Variants in CRIM1 observed in about 807,000 individuals in gnomAD.
The protein encoded by CRIM1 is cysteine rich transmembrane BMP regulator 1.
A neutral mutation model predicts 116.4 loss-of-function variants in CRIM1; 32 were observed. That is an observed-to-expected ratio of 0.27 (90% CI 0.21 to 0.37). CRIM1 has a LOEUF of 0.37. Among genes scored for constraint, CRIM1 ranks in the 10% least tolerant of loss-of-function variants. The probability of loss-of-function intolerance (pLI) is 1.00; values close to 1 mark genes in which losing one functional copy is unlikely to be tolerated. For missense variants in CRIM1, 1,331 were observed against 1,354.8 expected (o/e 0.98, Z 0.28); for synonymous variants, 590 against 509.2 (o/e 1.16, Z -2.13).
In CRIM1 at chr2:36,550,744, A is replaced by G. The variant is rs1000676299; in HGVS notation, c.*2043A>G. 6.6e-6 allele frequency: 1 copy of G among 152,588 alleles called. No homozygotes were observed. The highest frequency in any genetic ancestry group is 2.4e-5 in the African/African-American group (1 of 41,458). The allele number at this position is 152,588 out of a possible 1,614,324, so 9.5% of individuals were successfully genotyped here. A position where few individuals can be genotyped will look rare whatever the true frequency, so the allele number is the denominator to read the frequency against. ...TGATACATTACAAAAATAGATTGAC[A>G]TCAGCCTGATTAGTATAAATTTTGT... On this transcript the variant is annotated 3_prime_UTR_variant, in exon 17 of 17. Coordinates refer to ENST00000280527, the MANE Select transcript of CRIM1 (RefSeq NM_016441.3).
chr2:36,542,701 A>G (rs753771250), intron 14 of CRIM1, among the ~76,000 whole-genome samples: 15 of 152,224 alleles, frequency 9.9e-5, no homozygotes, highest in Non-Finnish European at 2.1e-4. Flanking sequence ...TGGACTAGGC[A>G]GGGGAGGGGC....
chr2:36,541,191 T>G (rs560921471), intron 14 of CRIM1, among the ~76,000 whole-genome samples: 1 of 152,248 alleles, frequency 6.6e-6, no homozygotes, highest in East Asian at 1.9e-4. Context: ...CGCTTCCATT[T>G]CTCATCTGGA....
At chr2:36,444,905 C>G (rs940175076) in intron 4 of CRIM1, among the ~76,000 whole-genome samples, 2 of 152,140 alleles carry the variant, frequency 1.3e-5, no homozygotes, top group African/African-American at 4.8e-5. Flanking sequence ...ACTCTTCGGC[C>G]CCTGAAGATG....
At chr2:36,404,678 A>T (rs569550330) in intron 2 of CRIM1, among the ~76,000 whole-genome samples, 1 of 152,206 alleles carries the variant, frequency 6.6e-6, no homozygotes. Context: ...TCAATATACT[A>T]TGGGAGCTTG....
chr2:36,392,841 GAAAAT>G (rs1212646586), intron 1 of CRIM1, among the ~76,000 whole-genome samples: 1 of 152,016 alleles, frequency 6.6e-6, no homozygotes, highest in Non-Finnish European at 1.5e-5. Flanking sequence ...TCAAAAAAAA[GAAAAT>G]AAAAGTGTCT....
intron 2 of CRIM1, among the ~76,000 whole-genome samples, chr2:36,399,551 A>C (rs1317103405): frequency 6.6e-6 from 1 of 152,240 alleles, no homozygotes; most frequent in African/African-American, 2.4e-5. Context: ...TAGTGCAAGT[A>C]ATAGAAGTAG....
intron 1 of CRIM1, among the ~76,000 whole-genome samples, chr2:36,358,543 G>C (rs1669007767): frequency 6.6e-6 from 1 of 152,198 alleles, no homozygotes. Context: ...CCATGTCACA[G>C]TATAGAGTTA....
intron 7 of CRIM1, among the ~76,000 whole-genome samples, chr2:36,497,433 G>A (rs919479950): frequency 1.3e-5 from 2 of 152,174 alleles, no homozygotes; most frequent in Non-Finnish European, 2.9e-5. Flanking sequence ...ATTTGGGGTA[G>A]CTAAGAAAAG....
chr2:36,510,193 T>C, intron 9 of CRIM1, 54 bp downstream of exon 9: 1 of 1,526,386 alleles, frequency 6.6e-7, no homozygotes, highest in Non-Finnish European at 9.0e-7. Context: ...TGGTGAAATG[T>C]TTCTACACAT....
chr2:36,440,816 T>A (rs916164936), intron 2 of CRIM1, among the ~76,000 whole-genome samples: 7 of 152,218 alleles, frequency 4.6e-5, no homozygotes, highest in Admixed American at 1.3e-4. Context: ...GTCGTACACA[T>A]TGTCTCCAGT....
intron 9 of CRIM1, among the ~76,000 whole-genome samples, chr2:36,511,133 G>T (rs1664645495): frequency 6.6e-6 from 1 of 151,592 alleles, no homozygotes. Context: ...GGAGAGATGG[G>T]GTTTCACCAT....
At chr2:36,526,707 G>A (rs535466507) in intron 13 of CRIM1, among the ~76,000 whole-genome samples, 3 of 152,250 alleles carry the variant, frequency 2.0e-5, no homozygotes, top group Admixed American at 1.3e-4. Context: ...GCTTCTGGAG[G>A]GGGGACCGTG....
rs538176011 is a variant in CRIM1, at chr2:36,501,398, T to C, written c.1501+2051T>C. ...CATGTGACCATCACACTATCTACAG[T>C]GGCGTTAGTGCTAAAACTGAGTTTA... On this transcript the variant is annotated intron_variant, in intron 8 of 16. Coordinates refer to ENST00000280527, the MANE Select transcript of CRIM1 (RefSeq NM_016441.3). Among the ~76,000 whole-genome samples, 6 of 152,334 alleles carry C rather than the reference T, an allele frequency of 3.9e-5. No individual in the cohort carries two copies. In the East Asian group the frequency reaches 1.2e-3, roughly 29 times the overall value.
At chr2:36,533,455 A>T (rs1004105583) in intron 13 of CRIM1, among the ~76,000 whole-genome samples, 1 of 151,304 alleles carries the variant, frequency 6.6e-6, no homozygotes, top group Admixed American at 6.6e-5. Context: ...CCTAAAAATT[A>T]TCCAGGCATA....
Position 36,363,535 on chromosome 2 carries a change from C to CG in CRIM1, c.331+6912_331+6913insG, listed in dbSNP as rs1006672791. ...GAATTCAGCAGTCGTCGCCGCCCCC[C>CG]CCCCCCATGACTATCTTTTTATACC... On this transcript the variant is annotated intron_variant, in intron 1 of 16. Coordinates refer to ENST00000280527, the MANE Select transcript of CRIM1 (RefSeq NM_016441.3). Among the ~76,000 whole-genome samples the CG allele has an allele frequency of 3.7e-4, 52 of 141,362 alleles. 2 individuals carry two copies. The highest frequency in any genetic ancestry group is 3.6e-3 in the Middle Eastern group (1 of 274). The allele number at this position is 141,362 out of a possible 152,430, so 92.7% of individuals were successfully genotyped here. A position where few individuals can be genotyped will look rare whatever the true frequency, so the allele number is the denominator to read the frequency against.
intron 11 of CRIM1, among the ~76,000 whole-genome samples, chr2:36,516,487 T>C (rs561407805): frequency 6.6e-5 from 10 of 152,284 alleles, no homozygotes; most frequent in African/African-American, 2.4e-4. Context: ...TTAAATTCCC[T>C]CTCTATCAGT....
At chr2:36,484,526 C>G (rs1011002234) in intron 7 of CRIM1, among the ~76,000 whole-genome samples, 1 of 152,086 alleles carries the variant, frequency 6.6e-6, no homozygotes, top group African/African-American at 2.4e-5. Context: ...AAGAAAAATT[C>G]AAGAGATGTG....
At chr2:36,486,366 A>G (rs911009798) in intron 7 of CRIM1, among the ~76,000 whole-genome samples, 1 of 152,222 alleles carries the variant, frequency 6.6e-6, no homozygotes, top group East Asian at 1.9e-4. Context: ...CAAGTCCAGC[A>G]TGTCTTTGCT....
chr2:36,525,361 T>C (rs1057288736), intron 13 of CRIM1, among the ~76,000 whole-genome samples: 2 of 152,180 alleles, frequency 1.3e-5, no homozygotes, highest in African/African-American at 4.8e-5. Flanking sequence ...CTTGTTCTCT[T>C]ATCAACTAAG....
Sources: allele counts gnomAD v4.1 joint callset (sites outside exome capture counted in the v4.1 genomes callset), GRCh38; gene constraint gnomAD v4.1.1; transcripts MANE v1.5; gene names NCBI Gene and HGNC (gene_info 2026-07-23, HGNC 2026-07-21).